SYNE1: variants seen among roughly 807,000 people sequenced by gnomAD.
SYNE1 encodes the protein nesprin-1.
Under a neutral mutation model 1,111.0 loss-of-function variants are expected in SYNE1, and 616 were observed. The ratio of observed to expected loss-of-function variants is 0.55; its 90% CI spans 0.52 to 0.59. The LOEUF is 0.59. SYNE1 is among the 20% of genes least tolerant of loss of function. The pLI, the probability that SYNE1 is intolerant of heterozygous loss-of-function variation, is 0.00. For missense variants in SYNE1, 10,006 were observed against 10,417.0 expected (o/e 0.96, Z 1.72); for synonymous variants, 3,855 against 3,825.8 (o/e 1.01, Z -0.28).
chr6:152,341,912 G>A (rs922641474), intron 74 of SYNE1, among the ~76,000 whole-genome samples: 10 of 152,024 alleles, frequency 6.6e-5, no homozygotes, highest in South Asian at 2.1e-4. Context: ...AAGACCTACC[G>A]ATGGAATTAA....
At chr6:152,549,708 G>A (rs1036317189) in intron 3 of SYNE1, among the ~76,000 whole-genome samples, 7 of 152,154 alleles carry the variant, frequency 4.6e-5, no homozygotes, top group Non-Finnish European at 8.8e-5. Flanking sequence ...GGGAAAAGAT[G>A]AGTTAAGAGA....
intron 86 of SYNE1, among the ~76,000 whole-genome samples, chr6:152,317,397 A>G (rs749510719): frequency 2.0e-5 from 3 of 151,416 alleles, no homozygotes; most frequent in Non-Finnish European, 4.4e-5. Flanking sequence ...AAATTTTTGA[A>G]TCTTTTGTAG....
At chr6:152,178,911 T>C (rs1969838) in intron 129 of SYNE1, among the ~76,000 whole-genome samples, 2 of 47,128 alleles carry the variant, frequency 4.2e-5, no homozygotes, top group South Asian at 1.5e-3. Context: ...CACCCAATTC[T>C]TTTTTTTTTT....
In SYNE1 at chr6:152,436,114, T is replaced by G; in HGVS notation, c.4150-13A>C. On this transcript the variant is annotated splice_polypyrimidine_tract_variant and intron_variant, in intron 32 of 145. Coordinates refer to ENST00000367255, the MANE Select transcript of SYNE1 (RefSeq NM_182961.4). ...GTTTAGAAAACTCCTAGAAAAAATA[T>G]TATGATCATTAGGTAGGCACTTTAT... 6.2e-7 allele frequency: 1 copy of G among 1,613,342 alleles called. No homozygotes were observed. The highest frequency in any genetic ancestry group is 8.5e-7 in the Non-Finnish European group (1 of 1,179,836).
chr6:152,457,739 AT>A (rs1367336687), intron 22 of SYNE1, among the ~76,000 whole-genome samples: 10 of 151,836 alleles, frequency 6.6e-5, no homozygotes, highest in South Asian at 2.1e-4. Context: ...TTATCTGTCT[AT>A]CTATCTATCT....
chr6:152,362,420 G>C (rs533956863), intron 63 of SYNE1, 97 bp from the exon 64 acceptor site: 1 of 1,525,206 alleles, frequency 6.6e-7, no homozygotes, highest in African/African-American at 1.4e-5. Context: ...TAAGCAAGGG[G>C]TCAAGAGATC....
intron 32 of SYNE1, among the ~76,000 whole-genome samples, chr6:152,439,612 T>C (rs771209575): frequency 6.6e-6 from 1 of 152,200 alleles, no homozygotes; most frequent in Non-Finnish European, 1.5e-5. Context: ...TCTGTGGTCT[T>C]AGAAAACTTC....
chr6:152,304,196 A>G (rs567665139), intron 91 of SYNE1, among the ~76,000 whole-genome samples: 33 of 152,348 alleles, frequency 2.2e-4, no homozygotes, highest in Admixed American at 1.8e-3. Context: ...GTGGGTACTC[A>G]ATAAATGACA....
chr6:152,203,670 C>T (rs545455841), intron 126 of SYNE1, among the ~76,000 whole-genome samples: 1 of 152,240 alleles, frequency 6.6e-6, no homozygotes, highest in African/African-American at 2.4e-5. Context: ...GGTGTTATTA[C>T]CACAACTATT....
At chr6:152,376,705 C>T in intron 57 of SYNE1, 71 bp downstream of exon 57, 1 of 1,593,900 alleles carries the variant, frequency 6.3e-7, no homozygotes, top group Non-Finnish European at 8.6e-7. Flanking sequence ...TTTGAAATTA[C>T]ACCTTAAAAT....
intron 55 of SYNE1, 74 bp from the exon 56 acceptor site, chr6:152,381,436 CA>C: frequency 6.7e-7 from 1 of 1,481,960 alleles, no homozygotes; most frequent in Non-Finnish European, 9.3e-7. Context: ...ACTGTGTACA[CA>C]GGGGGACCCT....
intron 8 of SYNE1, among the ~76,000 whole-genome samples, chr6:152,509,152 T>C (rs1429944646): frequency 6.6e-6 from 1 of 151,846 alleles, no homozygotes; most frequent in Non-Finnish European, 1.5e-5. Flanking sequence ...CCTGATCACA[T>C]CAGACTACAA....
intron 3 of SYNE1, among the ~76,000 whole-genome samples, chr6:152,570,421 G>A (rs1165608219): frequency 6.6e-6 from 1 of 152,128 alleles, no homozygotes; most frequent in East Asian, 1.9e-4. Context: ...GATAGCCAGG[G>A]AATTAGCATA....
At chr6:152,249,910 C>T (rs959243625) in intron 104 of SYNE1, among the ~76,000 whole-genome samples, 1 of 151,996 alleles carries the variant, frequency 6.6e-6, no homozygotes, top group African/African-American at 2.4e-5. Flanking sequence ...AAAAAGGAGA[C>T]AACTATCAGA....
chr6:152,364,921 G>A lies in SYNE1; in HGVS notation c.10071C>T (p.Pro3357=), dbSNP rs886044157. Residue 3357 remains proline (P), a synonymous_variant, in exon 63 of 146, where the codon CCC becomes CCT. Coordinates refer to ENST00000367255, the MANE Select transcript of SYNE1 (RefSeq NM_182961.4). ...CACTCTGCAGCTGCTGCTGAATAGT[G>A]GGAATGCCTTCTGGAGAAGTATTCT... is the stretch of plus-strand genomic sequence containing the variant. ...VLQNTSPEGI[P]TIQQQLQSVK... is the part of the protein sequence containing the mutation. 6.2e-7 allele frequency: 1 copy of A among 1,614,188 alleles called. No homozygotes were observed. The highest frequency in any genetic ancestry group is 8.5e-7 in the Non-Finnish European group (1 of 1,180,036).
chr6:152,332,277 A>C (rs2096267356), intron 77 of SYNE1, among the ~76,000 whole-genome samples: 1 of 152,162 alleles, frequency 6.6e-6, no homozygotes, highest in East Asian at 1.9e-4. Context: ...CCTGGCTGAC[A>C]CTTCACCATT....
At chr6:152,339,115 G>T (rs2096476017) in intron 75 of SYNE1, 126 bp downstream of exon 75, 2 of 1,222,716 alleles carry the variant, frequency 1.6e-6, no homozygotes, top group Non-Finnish European at 1.2e-6. Flanking sequence ...TTATTATAAT[G>T]GCTGTAGAAC....
Position 152,367,300 on chromosome 6 carries a change from G to A in SYNE1, c.9890C>T (p.Thr3297Met), listed in dbSNP as rs150912982. The A allele has an allele frequency of 9.3e-4, 1,503 of 1,614,190 alleles. 13 individuals are homozygous for A. The African/African-American group carries it at 0.016, about 18-fold the overall frequency. ...TGAATCCAGCATGTGAATCGCATCC[G>A]TCATCCAGTCTTGTAATTCTTTAAT... is the stretch of plus-strand genomic sequence containing the variant. Reference protein sequence around the residue: ...LGIKELQDWMTDAIHMLDSYC... With the variant: ...LGIKELQDWMMDAIHMLDSYC... Residue 3297 changes from threonine (T) to methionine (M), a missense_variant, in exon 62 of 146, where the codon ACG (threonine) becomes ATG (methionine). By Grantham distance (81) the Thr-to-Met change is moderately conservative. Around this residue, in one of 7 missense-constraint regions of SYNE1, gnomAD observed 4,955 missense variants for 5,017.2 expected, o/e 0.99. Transcript: ENST00000367255.
At chr6:152,444,993 C>T (rs2098566623) in intron 29 of SYNE1, among the ~76,000 whole-genome samples, 1 of 152,030 alleles carries the variant, frequency 6.6e-6, no homozygotes. Context: ...TTTATTCTTT[C>T]TCATATTACT....
Sources: gnomAD v4.1 joint callset for allele counts (sites outside exome capture counted in the v4.1 genomes callset) on GRCh38, gnomAD v4.1.1 for gene constraint, gnomAD v4.1.1 regional missense constraint, MANE v1.5 for transcripts, NCBI Gene and HGNC (gene_info 2026-07-23, HGNC 2026-07-21) for gene names.